Variants in AP2M1 observed in about 807,000 individuals in gnomAD.
AP2M1 encodes the protein adaptor related protein complex 2 subunit mu 1.
A neutral mutation model predicts 54.5 loss-of-function variants in AP2M1; 5 were observed. That is an observed-to-expected ratio of 0.09 (90% CI 0.05 to 0.19). AP2M1 has a LOEUF of 0.19. Among genes scored for constraint, AP2M1 ranks in the 10% least tolerant of loss-of-function variants. The pLI is 1.00. For missense variants in AP2M1, 178 were observed against 580.2 expected (o/e 0.31, Z 7.12); for synonymous variants, 186 against 208.2 (o/e 0.89, Z 0.92).
In AP2M1 at chr3:184,180,471, A is replaced by T; in HGVS notation, c.424-174A>T. 1 of 1,093,808 alleles carries T rather than the reference A, an allele frequency of 9.1e-7. No homozygotes were observed. Among genetic ancestry groups the T allele is most frequent in the Non-Finnish European group, 1.3e-6 (1 of 748,760 alleles). 67.8% of individuals were successfully genotyped at this position (1,093,808 alleles called of 1,614,324 possible). ...CTATTACCAGGAATACAGCTCAAGC[A>T]GTTTCCTTTTGCACTGAGGGGTGGG... is the stretch of plus-strand genomic sequence containing the variant. On this transcript the variant is annotated intron_variant, in intron 4 of 11. Coordinates refer to ENST00000292807, the MANE Select transcript of AP2M1 (RefSeq NM_004068.4). The surrounding 1 kb of genome is among the most constrained non-coding windows in gnomAD (Gnocchi z 4.9).
Position 184,178,153 on chromosome 3 carries a change from G to T in AP2M1, c.75-704G>T. 1 of 1,503,964 alleles carries T rather than the reference G, an allele frequency of 6.6e-7. No individual in the cohort carries two copies. The highest frequency in any genetic ancestry group is 1.7e-4 in the Middle Eastern group (1 of 5,942). The allele number at this position is 1,503,964 out of a possible 1,614,324, so 93.2% of individuals were successfully genotyped here. A position where few individuals can be genotyped will look rare whatever the true frequency, so the allele number is the denominator to read the frequency against. On this transcript the variant is annotated intron_variant, in intron 2 of 11. Coordinates refer to ENST00000292807, the MANE Select transcript of AP2M1 (RefSeq NM_004068.4). The surrounding 1 kb of genome is among the most constrained non-coding windows in gnomAD (Gnocchi z 4.9). ...TGTTGTGTGTCTAACCCTCTCTCTC[G>T]TTGCTATCACTCTCCTCTTCTTGCT...
rs1715232528 is a variant in AP2M1 at position 184,180,425 on chromosome 3, G to A, written c.423+174G>A. The A allele has an allele frequency of 8.6e-6, 9 of 1,044,114 alleles. No homozygotes were observed. The East Asian group carries it at 1.3e-4, about 15-fold the overall frequency. 64.7% of individuals were successfully genotyped at this position (1,044,114 alleles called of 1,614,324 possible). On this transcript the variant is annotated intron_variant, in intron 4 of 11. Transcript: ENST00000292807. The surrounding 1 kb of genome is among the most constrained non-coding windows in gnomAD (Gnocchi z 4.9). ...TGCTCTGTGTGGTCCTCCCACTGCAGGAGCAGCCAATTCAGCATCTCTATT... is the reference window on the plus strand; with the variant it reads ...TGCTCTGTGTGGTCCTCCCACTGCAAGAGCAGCCAATTCAGCATCTCTATT...
In AP2M1 at chr3:184,180,904, G is replaced by A. The variant is rs1174158560; in HGVS notation, c.485G>A (p.Arg162Gln). 1 of 1,614,086 alleles carries A rather than the reference G, an allele frequency of 6.2e-7. No homozygotes were observed. Among genetic ancestry groups the A allele is most frequent in the Non-Finnish European group, 8.5e-7 (1 of 1,180,058 alleles). ...CAGGTAACTGGGCAGATTGGCTGGC[G>A]GCGAGAGGGTATCAAGTATCGTCGG... ...TSQVTGQIGW[R>Q]REGIKYRRNE... The change falls in exon 6 of 12, where the codon CGG (arginine) becomes CAG (glutamine). Residue 162 changes from arginine (R) to glutamine (Q), a missense_variant. Arg to Gln is a conservative substitution (Grantham distance 43). This residue lies in a region of AP2M1 where 115 missense variants were observed against 331.2 expected (regional missense o/e 0.35). Transcript: ENST00000292807. This position sits in a 1 kb window ranked among gnomAD's most constrained non-coding sequence, Gnocchi z 4.9.
chr3:184,183,513 G>A lies in AP2M1; in HGVS notation c.1205G>A (p.Arg402His). 6.2e-7 allele frequency: 1 copy of A among 1,614,044 alleles called. No homozygotes were observed. The highest frequency in any genetic ancestry group is 8.5e-7 in the Non-Finnish European group (1 of 1,179,914). ...TTCGCGCCCTCTGGCCTCAAGGTGC[G>A]CTACTTGAAGGTGTTTGAACCGAAG... is the stretch of plus-strand genomic sequence containing the variant. ...VPFAPSGLKV[R>H]YLKVFEPKLN... The change falls in exon 12 of 12, where the codon CGC (arginine) becomes CAC (histidine). Residue 402 changes from arginine (R) to histidine (H), a missense_variant. Physicochemically the swap from Arg to His is conservative, Grantham distance 29 (BLOSUM62 0). Transcript: ENST00000292807. The surrounding 1 kb of genome is among the most constrained non-coding windows in gnomAD (Gnocchi z 5.7).
chr3:184,176,973 C>T lies in AP2M1; in HGVS notation c.-21C>T, dbSNP rs1715094475. The T allele has an allele frequency of 1.9e-6, 3 of 1,612,790 alleles. No homozygotes were observed. The highest frequency in any genetic ancestry group is 1.7e-4 in the Middle Eastern group (1 of 6,058). On this transcript the variant is annotated 5_prime_UTR_variant, in exon 2 of 12. Coordinates refer to ENST00000292807, the MANE Select transcript of AP2M1 (RefSeq NM_004068.4). ...TAGGTCTGTTCTCAGAGCGATGGGC[C>T]GCGGAGACTGATCTGCCGCCATGAT...
chr3:184,180,969 C>T lies in AP2M1; in HGVS notation c.550C>T (p.Leu184Phe). ...FLDVLESVNLLMSPQGQVLSA... is the reference protein window; with the variant it reads ...FLDVLESVNLFMSPQGQVLSA... ...GGATGTGCTGGAGAGTGTGAACCTG[C>T]TCATGTCCCCACAAGGTGAGGTCCC... Residue 184 changes from leucine to phenylalanine, a missense_variant, in exon 6 of 12, where the codon CTC becomes TTC. By Grantham distance (22) the Leu-to-Phe change is conservative. Transcript: ENST00000292807. This position sits in a 1 kb window ranked among gnomAD's most constrained non-coding sequence, Gnocchi z 4.9. The T allele has an allele frequency of 6.2e-7, 1 of 1,614,182 alleles. No individual in the cohort carries two copies. The highest frequency in any genetic ancestry group is 8.5e-7 in the Non-Finnish European group (1 of 1,180,036).
At chr3:184,177,201 T>A in intron 2 of AP2M1, 134 bp downstream of exon 2, 1 of 890,154 alleles carries the variant, frequency 1.1e-6, no homozygotes, top group Non-Finnish European at 1.7e-6. Context: ...GAAGCTCAGC[T>A]AGTGTAGCCT....
At position 184,178,688 on chromosome 3, in the gene AP2M1, G is replaced by C. The variant is rs1715168848; in HGVS notation, c.75-169G>C. Among the ~76,000 whole-genome samples, 1 of 152,230 alleles carries C rather than the reference G, an allele frequency of 6.6e-6. No individual in the cohort carries two copies. Among genetic ancestry groups the C allele is most frequent in the Non-Finnish European group, 1.5e-5 (1 of 68,052 alleles). On this transcript the variant is annotated intron_variant, in intron 2 of 11. Transcript: ENST00000292807. The surrounding 1 kb of genome is among the most constrained non-coding windows in gnomAD (Gnocchi z 4.9). ...GGCACTCTTCCCATGCCTCCACAGG[G>C]AGTCATAAGAAGGGAACCACTCCAG...
At position 184,180,780 on chromosome 3, in the gene AP2M1, G is replaced by C; in HGVS notation, c.430-69G>C. 8 of 1,614,170 alleles carry C rather than the reference G, an allele frequency of 5.0e-6. No homozygotes were observed. The highest frequency in any genetic ancestry group is 6.8e-6 in the Non-Finnish European group (8 of 1,180,016). ...GGGATGGGGAATGAGGGTGGAGTGG[G>C]GATAGAGACAGGATGATTAAAGGGA... On this transcript the variant is annotated intron_variant, in intron 5 of 11. Transcript: ENST00000292807. The surrounding 1 kb of genome is among the most constrained non-coding windows in gnomAD (Gnocchi z 4.9).
chr3:184,180,304 T>A lies in AP2M1; in HGVS notation c.423+53T>A. On this transcript the variant is annotated intron_variant, in intron 4 of 11. Coordinates refer to ENST00000292807, the MANE Select transcript of AP2M1 (RefSeq NM_004068.4). This position sits in a 1 kb window ranked among gnomAD's most constrained non-coding sequence, Gnocchi z 4.9. ...GGGTGGAGTCCAATCTCCCTTCATC[T>A]CAGCTGGCCCCTGAGCCTTGTCTGA... 6.3e-7 allele frequency: 1 copy of A among 1,591,284 alleles called. No homozygotes were observed.
Position 184,178,705 on chromosome 3 carries a change from C to T in AP2M1, c.75-152C>T. The T allele has an allele frequency of 1.0e-6, 1 of 1,000,118 alleles. No individual in the cohort carries two copies. The highest frequency in any genetic ancestry group is 1.4e-6 in the Non-Finnish European group (1 of 690,332). The allele number at this position is 1,000,118 out of a possible 1,614,324, so 62.0% of individuals were successfully genotyped here. On this transcript the variant is annotated intron_variant, in intron 2 of 11. Coordinates refer to ENST00000292807, the MANE Select transcript of AP2M1 (RefSeq NM_004068.4). This position sits in a 1 kb window ranked among gnomAD's most constrained non-coding sequence, Gnocchi z 4.9. ...TCCACAGGGAGTCATAAGAAGGGAA[C>T]CACTCCAGTGGTTTAGGCATTGGCT...
chr3:184,176,792 C>T (rs1371133362), intron 1 of AP2M1, 159 bp from the exon 2 acceptor site: 1 of 544,686 alleles, frequency 1.8e-6, no homozygotes, highest in Non-Finnish European at 3.2e-6. Context: ...TAAACAGGAA[C>T]TGGAGCCTGG....
intron 2 of AP2M1, 32 bp downstream of exon 2, chr3:184,177,099 A>G (rs372679705): frequency 6.0e-5 from 96 of 1,600,554 alleles, no homozygotes; most frequent in Middle Eastern, 1.7e-4. Context: ...GCTGTGCCCC[A>G]CCACTCCAGC....
chr3:184,178,321 A>G lies in AP2M1; in HGVS notation c.75-536A>G. 1 of 1,434,636 alleles carries G rather than the reference A, an allele frequency of 7.0e-7. No homozygotes were observed. 88.9% of individuals were successfully genotyped at this position (1,434,636 alleles called of 1,614,324 possible). A position where few individuals can be genotyped will look rare whatever the true frequency, so the allele number is the denominator to read the frequency against. ...TTTTCATTCCCTCAACTTGCTCTGG[A>G]GTTGGATCCTGGGCAAGAATGGGTA... On this transcript the variant is annotated intron_variant, in intron 2 of 11. Coordinates refer to ENST00000292807, the MANE Select transcript of AP2M1 (RefSeq NM_004068.4). The surrounding 1 kb of genome is among the most constrained non-coding windows in gnomAD (Gnocchi z 4.9).
In AP2M1 at chr3:184,176,972, C is replaced by T; in HGVS notation, c.-22C>T. 1 of 1,612,592 alleles carries T rather than the reference C, an allele frequency of 6.2e-7. No homozygotes were observed. The highest frequency in any genetic ancestry group is 8.5e-7 in the Non-Finnish European group (1 of 1,179,322). On this transcript the variant is annotated 5_prime_UTR_variant, in exon 2 of 12. Coordinates refer to ENST00000292807, the MANE Select transcript of AP2M1 (RefSeq NM_004068.4). ...CTAGGTCTGTTCTCAGAGCGATGGG[C>T]CGCGGAGACTGATCTGCCGCCATGA...
chr3:184,177,643 C>T lies in AP2M1; in HGVS notation c.74+576C>T, dbSNP rs916026314. The T allele has an allele frequency of 1.6e-5, 24 of 1,526,594 alleles. No individual in the cohort carries two copies. The Middle Eastern group carries it at 1.2e-3, about 75-fold the overall frequency. The allele number at this position is 1,526,594 out of a possible 1,614,324, so 94.6% of individuals were successfully genotyped here. On this transcript the variant is annotated intron_variant, in intron 2 of 11. Coordinates refer to ENST00000292807, the MANE Select transcript of AP2M1 (RefSeq NM_004068.4). ...CACTCTCTGGGTCACTGTGGGAGGG[C>T]AGGGAAGCCATGCTACCCTCTCAGT...
rs867915325 is a variant in AP2M1, at chr3:184,180,881, G to A, written c.462G>A (p.Gln154=). The change falls in exon 6 of 12, where the codon CAG becomes CAA. Residue 154 remains glutamine, a synonymous_variant. Coordinates refer to ENST00000292807, the MANE Select transcript of AP2M1 (RefSeq NM_004068.4). The surrounding 1 kb of genome is among the most constrained non-coding windows in gnomAD (Gnocchi z 4.9). ...TKEEQSQITS[Q]VTGQIGWRRE... ...AAGAGCAGTCACAGATCACCAGCCA[G>A]GTAACTGGGCAGATTGGCTGGCGGC... 3.7e-6 allele frequency: 6 copies of A among 1,614,230 alleles called. No homozygotes were observed. In the East Asian group the frequency reaches 1.1e-4, roughly 30 times the overall value.
At chr3:184,177,613 T>G in intron 2 of AP2M1, 1 of 1,535,852 alleles carries the variant, frequency 6.5e-7, no homozygotes, top group Non-Finnish European at 8.7e-7. Context: ...GCTGGAAGCG[T>G]GAGGCACTCT....
chr3:184,182,156 G>C lies in AP2M1; in HGVS notation c.969G>C (p.Arg323Ser), dbSNP rs1476339200. 1.2e-6 allele frequency: 2 copies of C among 1,613,960 alleles called. No homozygotes were observed. The highest frequency in any genetic ancestry group is 1.3e-5 in the African/African-American group (1 of 74,938). Reference protein sequence around the residue: ...PSLLAQKIEVRIPTPLNTSGV... With the variant: ...PSLLAQKIEVSIPTPLNTSGV... The stretch of plus-strand genomic sequence containing the variant: ...GACAGGTGTGTCACTTCTAGGTGAG[G>C]ATCCCAACCCCACTGAACACAAGCG... Residue 323 changes from arginine to serine, a missense_variant, in exon 10 of 12, where the codon AGG becomes AGC. By Grantham distance (110) the Arg-to-Ser change is moderately radical (BLOSUM62 -1). Around this residue, in one of 5 missense-constraint regions of AP2M1, gnomAD observed 59 missense variants for 176.8 expected, o/e 0.33. Transcript: ENST00000292807. This position sits in a 1 kb window ranked among gnomAD's most constrained non-coding sequence, Gnocchi z 5.5.
Sources: allele counts gnomAD v4.1 joint callset (sites outside exome capture counted in the v4.1 genomes callset), GRCh38; gene constraint gnomAD v4.1.1; regional missense constraint gnomAD v4.1.1; non-coding constraint Gnocchi (gnomAD v3.1); transcripts MANE v1.5; gene names NCBI Gene and HGNC (gene_info 2026-07-23, HGNC 2026-07-21).